GRIN2C: variants seen among roughly 807,000 people sequenced by gnomAD.
GRIN2C encodes glutamate receptor ionotropic, NMDA 2C.
A neutral mutation model predicts 77.7 loss-of-function variants in GRIN2C; 64 were observed. The ratio of observed to expected loss-of-function variants is 0.82; its 90% confidence interval spans 0.67 to 1.01. The LOEUF is 1.01. GRIN2C is among the 50% of genes least tolerant of loss of function. The pLI is 0.00. For missense variants in GRIN2C, 1,549 were observed against 1,486.0 expected (o/e 1.04, Z -0.70); for synonymous variants, 792 against 643.4 (o/e 1.23, Z -3.49).
chr17:74,861,162 C>G (rs1376164047), upstream of GRIN2C, among the ~76,000 whole-genome samples: 1 of 152,198 alleles, frequency 6.6e-6, no homozygotes, highest in East Asian at 1.9e-4. Flanking sequence ...ACGCTTCGCC[C>G]GCGTCCTTCT....
rs953825850 is a variant in GRIN2C, at chr17:74,849,463, C to A, written c.1645+317G>T. Among the ~76,000 whole-genome samples the A allele has an allele frequency of 3.3e-5, 5 of 152,328 alleles. No individual in the cohort carries two copies. The highest frequency in any genetic ancestry group is 1.9e-4 in the East Asian group (1 of 5,186). On this transcript the variant is annotated intron_variant, in intron 7 of 12. Coordinates refer to ENST00000293190, the MANE Select transcript of GRIN2C (RefSeq NM_000835.6). This position sits in a 1 kb window ranked among gnomAD's most constrained non-coding sequence, Gnocchi z 4.6. ...TCCTCAACTCCCCACGGGCCTCCCC[C>A]ACTCGTTCCACAGTCCTGGGCCATG...
intron 2 of GRIN2C, chr17:74,854,200 C>T (rs115177273): frequency 0.01 from 1,607 of 153,838 alleles, 30 homozygotes; most frequent in African/African-American, 0.036. Context: ...TCCTTCAGAA[C>T]GCTTGTCCTA....
Position 74,852,329 on chromosome 17 carries a change from A to T in GRIN2C, c.682T>A (p.Cys228Ser). 1.4e-6 allele frequency: 2 copies of T among 1,457,380 alleles called. No homozygotes were observed. The highest frequency in any genetic ancestry group is 1.8e-6 in the Non-Finnish European group (2 of 1,112,066). The allele number at this position is 1,457,380 out of a possible 1,614,324, so 90.3% of individuals were successfully genotyped here. The change falls in exon 3 of 13, where the codon TGC becomes AGC. Residue 228 changes from cysteine to serine, a missense_variant. Around this residue, in one of 3 missense-constraint regions of GRIN2C, gnomAD observed 382 missense variants for 360.0 expected, o/e 1.06. Transcript: ENST00000293190. ...QLDAPVFVAY[C>S]SREEAEVLFA... ...AGCACCTCGGCCTCCTCGCGCGAGC[A>T]GTAGGCCACAAACACGGGCGCGTCG...
Position 74,849,137 on chromosome 17 carries a change from T to C in GRIN2C, c.1645+643A>G, listed in dbSNP as rs1326185253. Among the ~76,000 whole-genome samples, 4 of 141,532 alleles carry C rather than the reference T, an allele frequency of 2.8e-5. No homozygotes were observed. Among genetic ancestry groups the C allele is most frequent in the Non-Finnish European group, 6.4e-5 (4 of 62,668 alleles). 92.9% of individuals were successfully genotyped at this position (141,532 alleles called of 152,430 possible). On this transcript the variant is annotated intron_variant, in intron 7 of 12. Coordinates refer to ENST00000293190, the MANE Select transcript of GRIN2C (RefSeq NM_000835.6). The surrounding 1 kb of genome is among the most constrained non-coding windows in gnomAD (Gnocchi z 4.6). ...ATGAAGTGGTTTTTTTTTTCCTCTCTTCCGTGGCTGAGGAGCCTGCTCAGA... is the reference window on the plus strand; with the variant it reads ...ATGAAGTGGTTTTTTTTTTCCTCTCCTCCGTGGCTGAGGAGCCTGCTCAGA...
In GRIN2C at chr17:74,849,794, G is replaced by A. The variant is rs1180238300; in HGVS notation, c.1631C>T (p.Pro544Leu). The A allele has an allele frequency of 1.9e-6, 3 of 1,612,404 alleles. No individual in the cohort carries two copies. Among genetic ancestry groups the A allele is most frequent in the Non-Finnish European group, 8.5e-7 (1 of 1,179,492 alleles). The change falls in exon 7 of 13, where the codon CCC (proline) becomes CTC (leucine). Residue 544 changes from proline (P) to leucine (L), a missense_variant. Pro to Leu is a moderately conservative substitution (Grantham distance 98, BLOSUM62 -3). Coordinates refer to ENST00000293190, the MANE Select transcript of GRIN2C (RefSeq NM_000835.6). This position sits in a 1 kb window ranked among gnomAD's most constrained non-coding sequence, Gnocchi z 4.6. ...CTGGGCCTCACCCAAGAAGGCCGAGGGGGAGACGGTGCCATTGCTGCGAGC... is the reference window on the plus strand; with the variant it reads ...CTGGGCCTCACCCAAGAAGGCCGAGAGGGAGACGGTGCCATTGCTGCGAGC... Reference protein sequence around the residue: ...MVARSNGTVSPSAFLEPYSPA... With the variant: ...MVARSNGTVSLSAFLEPYSPA...
chr17:74,845,261 ATTT>A lies in GRIN2C; in HGVS notation c.2351-756_2351-754del, dbSNP rs34846249. ...ATTATTATATGGTTTGAGAAATCAGATTTTTTTTTTTTTTTTTTTTTGAGACAG... is the reference window on the plus strand; with the variant it reads ...ATTATTATATGGTTTGAGAAATCAGATTTTTTTTTTTTTTTTTTGAGACAG... On this transcript the variant is annotated intron_variant, in intron 11 of 12. Coordinates refer to ENST00000293190, the MANE Select transcript of GRIN2C (RefSeq NM_000835.6). 1.5e-3 allele frequency among the ~76,000 whole-genome samples: 147 copies of A among 97,620 alleles called. No homozygotes were observed. In the South Asian group the frequency reaches 0.018, roughly 12 times the overall value. The allele number at this position is 97,620 out of a possible 152,430, so 64.0% of individuals were successfully genotyped here.
chr17:74,851,765 C>T (rs1017538946), intron 3 of GRIN2C, 74 bp from the exon 4 acceptor site: 4 of 906,922 alleles, frequency 4.4e-6, no homozygotes, highest in South Asian at 2.9e-5. Context: ...CCGCCGCCAC[C>T]GACAGCAGGT....
chr17:74,846,317 G>A lies in GRIN2C; in HGVS notation c.2163-64C>T. The A allele has an allele frequency of 6.9e-7, 1 of 1,439,236 alleles. No individual in the cohort carries two copies. Among genetic ancestry groups the A allele is most frequent in the Non-Finnish European group, 9.7e-7 (1 of 1,030,210 alleles). The allele number at this position is 1,439,236 out of a possible 1,614,324, so 89.2% of individuals were successfully genotyped here. On this transcript the variant is annotated intron_variant, in intron 10 of 12. Transcript: ENST00000293190. The surrounding 1 kb of genome is among the most constrained non-coding windows in gnomAD (Gnocchi z 4.4). ...GGAGGGGAGGGGACACCGAAACTGG[G>A]GCGTGACAGGGGTCTAAACCACATG... is the stretch of plus-strand genomic sequence containing the variant.
At chr17:74,853,040 T>C (rs782463) in intron 2 of GRIN2C, 116,500 of 159,600 alleles carry the variant, frequency 0.73, 42,786 homozygotes, top group Admixed American at 0.79. Context: ...GCCAGGCGTC[T>C]GTATTTCCTA....
chr17:74,860,164 T>C (rs2037920130), upstream of GRIN2C, among the ~76,000 whole-genome samples: 1 of 152,156 alleles, frequency 6.6e-6, no homozygotes, highest in South Asian at 2.1e-4. Flanking sequence ...TACCTGCCCC[T>C]GGCACGCTCT....
Position 74,852,355 on chromosome 17 carries a change from A to G in GRIN2C, c.656T>C (p.Leu219Pro). 6.9e-7 allele frequency: 1 copy of G among 1,453,916 alleles called. No homozygotes were observed. The highest frequency in any genetic ancestry group is 9.0e-7 in the Non-Finnish European group (1 of 1,110,906). The allele number at this position is 1,453,916 out of a possible 1,614,324, so 90.1% of individuals were successfully genotyped here. A position where few individuals can be genotyped will look rare whatever the true frequency, so the allele number is the denominator to read the frequency against. ...RARTQRLLRQ[L>P]DAPVFVAYCS... is the part of the protein sequence containing the mutation. ...GTAGGCCACAAACACGGGCGCGTCG[A>G]GCTGGCGCAGCAGGCGCTGCGTGCG... The change falls in exon 3 of 13, where the codon CTC becomes CCC. Residue 219 changes from leucine (L) to proline (P), a missense_variant. This residue lies in a region of GRIN2C where 382 missense variants were observed against 360.0 expected (regional missense o/e 1.06). Coordinates refer to ENST00000293190, the MANE Select transcript of GRIN2C (RefSeq NM_000835.6).
intron 1 of GRIN2C, 88 bp from the exon 2 acceptor site, chr17:74,855,195 A>T: frequency 9.4e-7 from 1 of 1,065,722 alleles, no homozygotes. Context: ...AGGGACACAC[A>T]TACGGAAGAT....
In GRIN2C at chr17:74,850,055, C is replaced by T; in HGVS notation, c.1492-122G>A. On this transcript the variant is annotated intron_variant, in intron 6 of 12. Coordinates refer to ENST00000293190, the MANE Select transcript of GRIN2C (RefSeq NM_000835.6). The surrounding 1 kb of genome is among the most constrained non-coding windows in gnomAD (Gnocchi z 5.3). ...CTGAGTCAATCATTCCCTCTGGGGCCCTCAGAGCTCAGCTTTCAGTACTGA... is the reference window on the plus strand; with the variant it reads ...CTGAGTCAATCATTCCCTCTGGGGCTCTCAGAGCTCAGCTTTCAGTACTGA... 7.4e-7 allele frequency: 1 copy of T among 1,355,396 alleles called. No individual in the cohort carries two copies. Among genetic ancestry groups the T allele is most frequent in the Non-Finnish European group, 1.0e-6 (1 of 977,644 alleles). 84.0% of individuals were successfully genotyped at this position (1,355,396 alleles called of 1,614,324 possible). A position where few individuals can be genotyped will look rare whatever the true frequency, so the allele number is the denominator to read the frequency against.
chr17:74,843,969 G>C, intron 12 of GRIN2C: 1 of 516,386 alleles, frequency 1.9e-6, no homozygotes, highest in East Asian at 3.5e-5. Flanking sequence ...TGCCTTCTTG[G>C]CTCAAGCGAT....
chr17:74,842,776 G>A lies in GRIN2C; in HGVS notation c.3361C>T (p.Gln1121Ter). 1 of 665,138 alleles carries A rather than the reference G, an allele frequency of 1.5e-6. No individual in the cohort carries two copies. Among genetic ancestry groups the A allele is most frequent in the Middle Eastern group, 2.5e-4 (1 of 3,984 alleles). 41.2% of individuals were successfully genotyped at this position (665,138 alleles called of 1,614,324 possible). A position where few individuals can be genotyped will look rare whatever the true frequency, so the allele number is the denominator to read the frequency against. Residue 1121 changes from glutamine to a stop codon, truncating the protein, a stop_gained, in exon 13 of 13, where the codon CAG becomes TAG. Coordinates refer to ENST00000293190, the MANE Select transcript of GRIN2C (RefSeq NM_000835.6). LOFTEE classifies it low-confidence loss of function (END_TRUNC). ...CGGTAGATCGGCAAGCACATCGACTGCGCCTGCGCCAAGCGCCTGCAGGCC... is the reference window on the plus strand; with the variant it reads ...CGGTAGATCGGCAAGCACATCGACTACGCCTGCGCCAAGCGCCTGCAGGCC... ...HSACRRLAQA[Q>*]SMCLPIYREA...
At position 74,847,752 on chromosome 17, in the gene GRIN2C, G is replaced by A; in HGVS notation, c.1771+100C>T. On this transcript the variant is annotated intron_variant, in intron 8 of 12. Transcript: ENST00000293190. This position sits in a 1 kb window ranked among gnomAD's most constrained non-coding sequence, Gnocchi z 5.2. ...CCCAGCATGTGCCATCCAAAAGCAA[G>A]GGACCTCCCAAAGGTATTCTCTGAA... 8.6e-6 allele frequency: 11 copies of A among 1,272,632 alleles called. 1 individual carries two copies. In the South Asian group the frequency reaches 1.3e-4, roughly 15 times the overall value. 78.8% of individuals were successfully genotyped at this position (1,272,632 alleles called of 1,614,324 possible). A position where few individuals can be genotyped will look rare whatever the true frequency, so the allele number is the denominator to read the frequency against.
rs1181141105 is a variant in GRIN2C, at chr17:74,846,026, C to T, written c.2350+40G>A. The T allele has an allele frequency of 3.8e-6, 6 of 1,584,424 alleles. No homozygotes were observed. The highest frequency in any genetic ancestry group is 2.2e-5 in the East Asian group (1 of 44,660). ...TGGAAATGCTGACAACCTTGGGCTC[C>T]ACAGCCCACCCTGGGCATCCCAGCA... On this transcript the variant is annotated intron_variant, in intron 11 of 12. Coordinates refer to ENST00000293190, the MANE Select transcript of GRIN2C (RefSeq NM_000835.6). This position sits in a 1 kb window ranked among gnomAD's most constrained non-coding sequence, Gnocchi z 4.4.
At chr17:74,844,117 A>G (rs548517800) in intron 12 of GRIN2C, 159 bp downstream of exon 12, 1 of 1,387,090 alleles carries the variant, frequency 7.2e-7, no homozygotes, top group East Asian at 2.5e-5. Context: ...CAAGGGATCC[A>G]CTGGCCTAAG....
chr17:74,853,971 G>C (rs937397099), intron 2 of GRIN2C: 1 of 152,404 alleles, frequency 6.6e-6, no homozygotes, highest in East Asian at 1.9e-4. Flanking sequence ...CCAGGCCCCC[G>C]CCTCCTTCTC....
Sources: gnomAD v4.1 joint callset for allele counts (sites outside exome capture counted in the v4.1 genomes callset) on GRCh38, gnomAD v4.1.1 for gene constraint, gnomAD v4.1.1 regional missense constraint, Gnocchi (gnomAD v3.1) non-coding constraint, MANE v1.5 for transcripts, NCBI Gene and HGNC (gene_info 2026-07-23, HGNC 2026-07-21) for gene names.